The following DYRK1A variants were observed in gnomAD, a reference collection of about 807,000 sequenced individuals.
DYRK1A encodes dual specificity tyrosine-phosphorylation-regulated kinase 1A.
DYRK1A carries 9 observed loss-of-function variants against 79.7 expected under a neutral mutation model. The observed-to-expected ratio is 0.11, with a 90% confidence interval of 0.07 to 0.20. The LOEUF is 0.20. Among genes scored for constraint, DYRK1A ranks in the 10% least tolerant of loss-of-function variants. The pLI, the probability that DYRK1A is intolerant of heterozygous loss-of-function variation, is 1.00. For missense variants in DYRK1A, 622 were observed against 956.0 expected, an observed-to-expected ratio of 0.65 and a Z score of 4.61; for synonymous variants, 349 against 329.7, an observed-to-expected ratio of 1.06 and a Z score of -0.63.
intron 1 of DYRK1A, among the ~76,000 whole-genome samples, chr21:37,370,803 A>G (rs191123493): frequency 1.1e-3 from 167 of 152,258 alleles, no homozygotes; most frequent in Middle Eastern, 6.8e-3. Flanking sequence ...ATGTTCGTCT[A>G]TTTTCGATTT....
At chr21:37,387,091 G>T (rs1602381343) in intron 1 of DYRK1A, among the ~76,000 whole-genome samples, 2 of 152,210 alleles carry the variant, frequency 1.3e-5, no homozygotes, top group East Asian at 3.8e-4. Context: ...ATGGAGGTGG[G>T]TGTGCAAGTG....
chr21:37,473,780 A>G (rs2052306901), intron 3 of DYRK1A, among the ~76,000 whole-genome samples: 1 of 151,862 alleles, frequency 6.6e-6, no homozygotes. Context: ...AATATACAAC[A>G]TGTTAACATT....
chr21:37,420,488 G>C, intron 2 of DYRK1A, 104 bp downstream of exon 2: 1 of 1,076,128 alleles, frequency 9.3e-7, no homozygotes. Flanking sequence ...AGTTAGTGGG[G>C]GGAATTGTAG....
At chr21:37,425,697 A>AGAGT (rs1491499354) in intron 2 of DYRK1A, 1 of 150,156 alleles carries the variant, frequency 6.7e-6, no homozygotes, top group Non-Finnish European at 1.5e-5. Flanking sequence ...TAGAAGAGAC[A>AGAGT]GAGTAACTAG....
rs1010198969 is a variant in DYRK1A at position 37,472,760 on chromosome 21, G to A, written c.87G>A (p.Gln29=). 1 of 1,612,744 alleles carries A rather than the reference G, an allele frequency of 6.2e-7. No individual in the cohort carries two copies. The highest frequency in any genetic ancestry group is 8.5e-7 in the Non-Finnish European group (1 of 1,179,112). The change falls in exon 3 of 12, where the codon CAG becomes CAA. Residue 29 remains glutamine, a synonymous_variant. Coordinates refer to ENST00000647188, the MANE Select transcript of DYRK1A (RefSeq NM_001347721.2). ...PSFSFHAAGL[Q]MAGQMPHSHQ... ...TTTCATTCCATGCTGCTGGCCTTCA[G>A]ATGGCTGGACAGATGCCCCATTCAC...
intron 5 of DYRK1A, among the ~76,000 whole-genome samples, chr21:37,482,345 G>T (rs574619861): frequency 2.0e-5 from 3 of 152,268 alleles, no homozygotes; most frequent in Admixed American, 2.0e-4. Context: ...GAGTACAAAA[G>T]AGAAATATTT....
chr21:37,388,558 T>C (rs1243712186), intron 1 of DYRK1A, among the ~76,000 whole-genome samples: 1 of 152,210 alleles, frequency 6.6e-6, no homozygotes, highest in African/African-American at 2.4e-5. Flanking sequence ...CTTGTTTGCC[T>C]CATCAATATT....
chr21:37,497,935 T>C (rs928775329), intron 9 of DYRK1A, among the ~76,000 whole-genome samples: 4 of 152,148 alleles, frequency 2.6e-5, no homozygotes, highest in Admixed American at 1.3e-4. Context: ...TTTAAAAATA[T>C]GAAATAATTA....
chr21:37,397,820 G>A (rs996497301), intron 1 of DYRK1A, among the ~76,000 whole-genome samples: 3 of 152,032 alleles, frequency 2.0e-5, no homozygotes, highest in African/African-American at 7.3e-5. Flanking sequence ...CAGTACCTTA[G>A]CCATCTGTGC....
Position 37,505,528 on chromosome 21 carries a change from A to G in DYRK1A, c.1458A>G (p.Thr486=), listed in dbSNP as rs749554517. 3.1e-6 allele frequency: 5 copies of G among 1,612,512 alleles called. No homozygotes were observed. In the East Asian group the frequency reaches 1.1e-4, roughly 36 times the overall value. ...EGTNTSNSVS[T]SPAMEQSQSS... ...CAAATACAAGTAATAGTGTATCTAC[A>G]AGCCCCGCCATGGAGCAGTCTCAGT... The change falls in exon 10 of 12, where the codon ACA becomes ACG. Residue 486 remains threonine, a synonymous_variant. Transcript: ENST00000647188.
At chr21:37,485,236 C>G (rs529716045) in intron 5 of DYRK1A, among the ~76,000 whole-genome samples, 144 of 152,282 alleles carry the variant, frequency 9.5e-4, no homozygotes, top group African/African-American at 2.6e-3. Flanking sequence ...CATGAGTGTC[C>G]TTTATCCTGC....
At chr21:37,433,454 C>T (rs1467707105) in intron 2 of DYRK1A, among the ~76,000 whole-genome samples, 1 of 152,128 alleles carries the variant, frequency 6.6e-6, no homozygotes, top group African/African-American at 2.4e-5. Flanking sequence ...CCTGGGAGAA[C>T]AAACCAAAAT....
intron 3 of DYRK1A, among the ~76,000 whole-genome samples, chr21:37,477,483 G>C (rs538186863): frequency 1.3e-5 from 2 of 152,278 alleles, no homozygotes; most frequent in South Asian, 4.1e-4. Context: ...GGGGGTGCAT[G>C]CCCCTGCTCT....
chr21:37,386,781 A>G (rs1025648829), intron 1 of DYRK1A, among the ~76,000 whole-genome samples: 1 of 152,118 alleles, frequency 6.6e-6, no homozygotes, highest in Non-Finnish European at 1.5e-5. Context: ...CCCTTTAGTC[A>G]CTGGCAGGCT....
At position 37,516,276 on chromosome 21, in the gene DYRK1A, A is replaced by G. The variant is rs1346441860; in HGVS notation, c.*3745A>G. The G allele has an allele frequency of 6.6e-6, 1 of 152,222 alleles. No individual in the cohort carries two copies. The highest frequency in any genetic ancestry group is 1.5e-5 in the Non-Finnish European group (1 of 68,046). The allele number at this position is 152,222 out of a possible 1,614,324, so 9.4% of individuals were successfully genotyped here. On this transcript the variant is annotated 3_prime_UTR_variant, in exon 12 of 12. Transcript: ENST00000647188. Reference sequence around the variant, plus strand: ...GAAGTTTGAAAATGTAATGGGGACAAAAGCCGTGCGTGACTTCGGTATACC... The same window carrying G: ...GAAGTTTGAAAATGTAATGGGGACAGAAGCCGTGCGTGACTTCGGTATACC...
chr21:37,504,969 T>G (rs561656627), intron 9 of DYRK1A: 26 of 250,252 alleles, frequency 1.0e-4, no homozygotes, highest in African/African-American at 5.6e-4. Flanking sequence ...GGTTGCTTGT[T>G]TTTACAACCT....
chr21:37,428,912 T>G (rs536212631), intron 2 of DYRK1A: 1 of 152,324 alleles, frequency 6.6e-6, no homozygotes, highest in East Asian at 1.9e-4. Flanking sequence ...ATTACAGGTA[T>G]GAGCCACCGT....
intron 2 of DYRK1A, among the ~76,000 whole-genome samples, chr21:37,453,471 G>C (rs2051527402): frequency 6.6e-6 from 1 of 152,184 alleles, no homozygotes; most frequent in Admixed American, 6.5e-5. Flanking sequence ...TCACAGTGAG[G>C]CAGGAGCATA....
chr21:37,368,051 A>G (rs2049351023), intron 1 of DYRK1A: 1 of 152,688 alleles, frequency 6.5e-6, no homozygotes, highest in South Asian at 1.9e-4. Flanking sequence ...ATTCGCAAGG[A>G]CAATGCACGG....
Sources: allele counts gnomAD v4.1 joint callset (sites outside exome capture counted in the v4.1 genomes callset), GRCh38; gene constraint gnomAD v4.1.1; transcripts MANE v1.5; gene names NCBI Gene and HGNC (gene_info 2026-07-23, HGNC 2026-07-21).